Variants in GPR137C observed in about 807,000 individuals in gnomAD.
GPR137C encodes G protein-coupled receptor 137C.
Under a neutral mutation model 43.4 loss-of-function variants are expected in GPR137C, and 27 were observed. That is an observed-to-expected ratio of 0.62 (90% CI 0.46 to 0.86). The LOEUF is 0.86. GPR137C is among the 40% of genes least tolerant of loss of function. GPR137C has a pLI of 0.00. For synonymous variants in GPR137C, 285 were observed against 226.9 expected (o/e 1.26, Z -2.30); for missense variants, 522 against 534.6 (o/e 0.98, Z 0.23).
chr14:52,626,819 A>G (rs2039233097), intron 3 of GPR137C, among the ~76,000 whole-genome samples: 1 of 152,178 alleles, frequency 6.6e-6, no homozygotes, highest in African/African-American at 2.4e-5. Context: ...TATAACAGGA[A>G]TAATCAACTG....
At chr14:52,572,274 A>G (rs1331965305) in intron 1 of GPR137C, among the ~76,000 whole-genome samples, 3 of 152,112 alleles carry the variant, frequency 2.0e-5, no homozygotes, top group Non-Finnish European at 4.4e-5. Flanking sequence ...TGATACCAAA[A>G]CCTGGCAGAG....
intron 2 of GPR137C, 78 bp from the exon 3 acceptor site, chr14:52,600,035 A>G: frequency 4.4e-6 from 4 of 912,686 alleles, no homozygotes; most frequent in East Asian, 2.5e-5. Flanking sequence ...TCTTGTACCT[A>G]ACATAACACA....
At chr14:52,604,065 T>C (rs946856116) in intron 3 of GPR137C, among the ~76,000 whole-genome samples, 3 of 152,208 alleles carry the variant, frequency 2.0e-5, no homozygotes, top group African/African-American at 7.2e-5. Context: ...TCTGCTTTTG[T>C]AGAGATGTCT....
intron 1 of GPR137C, among the ~76,000 whole-genome samples, chr14:52,589,127 A>T (rs1171316184): frequency 6.6e-6 from 1 of 152,232 alleles, no homozygotes; most frequent in East Asian, 1.9e-4. Flanking sequence ...TGAAAGTCAC[A>T]AAAGGACAAA....
At chr14:52,554,325 C>T (rs1206280613) in intron 1 of GPR137C, among the ~76,000 whole-genome samples, 2 of 152,186 alleles carry the variant, frequency 1.3e-5, no homozygotes, top group East Asian at 3.9e-4. Flanking sequence ...TAACCTGTGC[C>T]TATTGCAGAA....
At chr14:52,560,047 C>T (rs974812824) in intron 1 of GPR137C, among the ~76,000 whole-genome samples, 5 of 152,008 alleles carry the variant, frequency 3.3e-5, no homozygotes, top group Non-Finnish European at 5.9e-5. Flanking sequence ...ATTCCAGCTA[C>T]TTGGGAGGCT....
At chr14:52,590,286 AAAGAAAAT>A (rs1359163963) in intron 1 of GPR137C, among the ~76,000 whole-genome samples, 4 of 152,224 alleles carry the variant, frequency 2.6e-5, no homozygotes, top group Non-Finnish European at 5.9e-5. Context: ...GGATATGAAG[AAAGAAAAT>A]ATTTTTGTAC....
intron 3 of GPR137C, among the ~76,000 whole-genome samples, chr14:52,619,933 G>A (rs2039141238): frequency 6.6e-6 from 1 of 151,696 alleles, no homozygotes; most frequent in Non-Finnish European, 1.5e-5. Context: ...AAGATTATTT[G>A]AAAAAAAATA....
chr14:52,621,588 G>A (rs1342204034), intron 3 of GPR137C, among the ~76,000 whole-genome samples: 4 of 151,770 alleles, frequency 2.6e-5, no homozygotes, highest in African/African-American at 7.2e-5. Flanking sequence ...ATATGTATAC[G>A]TAATATATAA....
Position 52,553,199 on chromosome 14 carries a change from C to A in GPR137C, c.52C>A (p.Arg18Ser), listed in dbSNP as rs1445353398. The change falls in exon 1 of 7, where the codon CGC (arginine) becomes AGC (serine). Residue 18 changes from arginine (R) to serine (S), a missense_variant. By Grantham distance (110) the Arg-to-Ser change is moderately radical (BLOSUM62 -1). Coordinates refer to ENST00000321662, the MANE Select transcript of GPR137C (RefSeq NM_001099652.2). Reference sequence around the variant, plus strand: ...GGCCGCTGCCGCCCCCGCAGCCGGCCGCGAGCCCTCCACGCCCGGCGGGGG... The same window carrying A: ...GGCCGCTGCCGCCCCCGCAGCCGGCAGCGAGCCCTCCACGCCCGGCGGGGG... ...PAAAAAPAAG[R>S]EPSTPGGGSG... 7 of 1,216,456 alleles carry A rather than the reference C, an allele frequency of 5.8e-6. No homozygotes were observed. The highest frequency in any genetic ancestry group is 1.6e-5 in the African/African-American group (1 of 63,472). 75.4% of individuals were successfully genotyped at this position (1,216,456 alleles called of 1,614,324 possible).
At chr14:52,561,348 C>A (rs920647540) in intron 1 of GPR137C, among the ~76,000 whole-genome samples, 9 of 152,154 alleles carry the variant, frequency 5.9e-5, no homozygotes, top group African/African-American at 2.2e-4. Flanking sequence ...TGGCACAGGC[C>A]TATGGTCCCA....
chr14:52,631,408 C>A (rs1328305482), intron 3 of GPR137C, among the ~76,000 whole-genome samples: 1 of 151,982 alleles, frequency 6.6e-6, no homozygotes, highest in East Asian at 1.9e-4. Context: ...AACTCTTTGG[C>A]AAGGATGTCA....
chr14:52,634,073 A>C, intron 6 of GPR137C, 127 bp downstream of exon 6: 1 of 649,086 alleles, frequency 1.5e-6, no homozygotes, highest in African/African-American at 1.8e-5. Context: ...AAGATCGGCA[A>C]TACTGGAGTT....
intron 1 of GPR137C, among the ~76,000 whole-genome samples, chr14:52,575,431 G>A (rs188379065): frequency 3.9e-5 from 6 of 152,220 alleles, no homozygotes; most frequent in Admixed American, 2.6e-4. Context: ...AATACTTTTA[G>A]TTAAGTCGGG....
At chr14:52,603,177 G>C (rs2038946273) in intron 3 of GPR137C, among the ~76,000 whole-genome samples, 1 of 152,040 alleles carries the variant, frequency 6.6e-6, no homozygotes, top group Admixed American at 6.6e-5. Flanking sequence ...GCTCCCACAT[G>C]TGAGTGAGAA....
intron 3 of GPR137C, among the ~76,000 whole-genome samples, chr14:52,601,621 T>G (rs2139529865): frequency 6.6e-6 from 1 of 152,114 alleles, no homozygotes; most frequent in South Asian, 2.1e-4. Context: ...TCCTAACATT[T>G]AAATATTTTA....
rs542211922 is a variant in GPR137C at position 52,566,883 on chromosome 14, G to A, written c.444+13292G>A. ...TCCCAGCACATTGGGAGGCTGAGGC[G>A]GGTGGATCATCTGAGGTCAGGAGTT... On this transcript the variant is annotated intron_variant, in intron 1 of 6. Transcript: ENST00000321662. Among the ~76,000 whole-genome samples the A allele has an allele frequency of 2.8e-4, 42 of 152,274 alleles. No individual in the cohort carries two copies. The East Asian group carries it at 7.5e-3, about 27-fold the overall frequency.
chr14:52,595,258 C>T (rs929035711), intron 1 of GPR137C, among the ~76,000 whole-genome samples: 1 of 152,090 alleles, frequency 6.6e-6, no homozygotes, highest in African/African-American at 2.4e-5. Context: ...ACATTTTTTC[C>T]TTCATTTCAA....
intron 3 of GPR137C, among the ~76,000 whole-genome samples, chr14:52,630,030 G>C (rs758634047): frequency 1.3e-5 from 2 of 152,074 alleles, no homozygotes; most frequent in Non-Finnish European, 2.9e-5. Flanking sequence ...GGTTTTCTTC[G>C]ACTTTCGATA....
Sources: gnomAD v4.1 joint callset for allele counts (sites outside exome capture counted in the v4.1 genomes callset) on GRCh38, gnomAD v4.1.1 for gene constraint, MANE v1.5 for transcripts, NCBI Gene and HGNC (gene_info 2026-07-23, HGNC 2026-07-21) for gene names.